Variants in JADE3 observed in about 807,000 individuals in gnomAD.
The protein encoded by JADE3 is protein Jade-3.
In JADE3, 2 loss-of-function variants were observed where a neutral mutation model predicts 50.1. The ratio of observed to expected loss-of-function variants is 0.04; its 90% confidence interval spans 0.02 to 0.13. The LOEUF (loss-of-function observed/expected upper bound fraction) is 0.13. Ranked by LOEUF, JADE3 falls within the 10% of genes least tolerant of loss-of-function variation. JADE3 has a pLI of 1.00. For synonymous variants in JADE3, 218 were observed against 232.9 expected (o/e 0.94, Z 0.58); for missense variants, 475 against 634.4 (o/e 0.75, Z 2.70).
chrX:46,938,845 T>C (rs1242422634), intron 1 of JADE3, among the ~76,000 whole-genome samples: 1 of 112,337 alleles, frequency 8.9e-6, no homozygotes, highest in Non-Finnish European at 1.9e-5. Context: ...GTTTCTTTTT[T>C]GAGACGGAGT....
At chrX:46,944,787 TTAGG>T (rs1363227371) in intron 1 of JADE3, among the ~76,000 whole-genome samples, 2 of 111,411 alleles carry the variant, frequency 1.8e-5, no homozygotes, top group Non-Finnish European at 3.8e-5. Context: ...AACTTATCTT[TTAGG>T]TGACAGAAAA....
intron 1 of JADE3, among the ~76,000 whole-genome samples, chrX:46,922,010 G>A (rs973597476): frequency 2.8e-5 from 3 of 106,735 alleles, no homozygotes; most frequent in Admixed American, 2.0e-4. Flanking sequence ...ATGGTGGCCC[G>A]CTGCACCCAT....
At chrX:47,011,077 T>G (rs924104832) in intron 4 of JADE3, among the ~76,000 whole-genome samples, 9 of 111,552 alleles carry the variant, frequency 8.1e-5, no homozygotes, top group Admixed American at 9.6e-5. Context: ...CTCATAACCT[T>G]TATTACCTAC....
chrX:47,038,414 C>G (rs1569538388), intron 7 of JADE3, among the ~76,000 whole-genome samples: 1 of 111,198 alleles, frequency 9.0e-6, no homozygotes, highest in Non-Finnish European at 1.9e-5. Context: ...ACATTCCCAC[C>G]AACAGTGTAT....
intron 4 of JADE3, among the ~76,000 whole-genome samples, chrX:47,000,379 T>A (rs1445766037): frequency 9.0e-6 from 1 of 110,922 alleles, no homozygotes; most frequent in Non-Finnish European, 1.9e-5. Context: ...GCATCTTGAC[T>A]TTAGTCTCGT....
intron 1 of JADE3, among the ~76,000 whole-genome samples, chrX:46,953,937 C>T (rs1927061947): frequency 1.8e-5 from 2 of 111,232 alleles, no homozygotes; most frequent in South Asian, 7.6e-4. Context: ...TCCTGTTTGT[C>T]TCTGGCTTTC....
At chrX:46,948,434 C>T (rs1343094297) in intron 1 of JADE3, among the ~76,000 whole-genome samples, 1 of 112,084 alleles carries the variant, frequency 8.9e-6, no homozygotes, top group Non-Finnish European at 1.9e-5. Context: ...TAAAGGATGC[C>T]TGTATTCTCC....
chrX:46,960,774 G>A (rs1556347489), intron 1 of JADE3, among the ~76,000 whole-genome samples: 1 of 111,449 alleles, frequency 9.0e-6, no homozygotes, highest in Non-Finnish European at 1.9e-5. Context: ...GGTGATCTTG[G>A]GAACCCCTTA....
chrX:46,998,257 C>T lies in JADE3; in HGVS notation c.264C>T (p.Thr88=), dbSNP rs1176672205. 8.3e-6 allele frequency: 10 copies of T among 1,204,825 alleles called. No homozygotes were observed. The highest frequency in any genetic ancestry group is 1.8e-5 in the African/African-American group (1 of 56,575). Residue 88 remains threonine (T), a synonymous_variant, in exon 4 of 11, where the codon ACC becomes ACT. Transcript: ENST00000614628. ...TCCAGGTACCAGCCAGTCCAGACAC[C>T]GTTCCACAGCCTTCTCTCAGGTATT... is the stretch of plus-strand genomic sequence containing the variant. ...KGVQVPASPD[T]VPQPSLRIIA... is the part of the protein sequence containing the mutation.
At chrX:47,024,955 G>T (rs1040925480) in intron 5 of JADE3, 41 bp downstream of exon 5, 10 of 715,246 alleles carry the variant, frequency 1.4e-5, no homozygotes, top group East Asian at 7.9e-5. Flanking sequence ...CTTAATTCAT[G>T]TTTTTTTTTT....
At position 46,917,799 on chromosome X, in the gene JADE3, G is replaced by GTCTC. The variant is rs57067547; in HGVS notation, c.-12+5099_-12+5102dup. ...TCTCTCTCTCTCTAATGGGAGGTCT[G>GTCTC]TCTCTCTCTCTCTCTCTCTCTCACT... On this transcript the variant is annotated intron_variant, in intron 1 of 10. Coordinates refer to ENST00000614628, the MANE Select transcript of JADE3 (RefSeq NM_014735.5). 8.1e-3 allele frequency among the ~76,000 whole-genome samples: 503 copies of GTCTC among 62,439 alleles called. 18 individuals are homozygous for GTCTC. The highest frequency in any genetic ancestry group is 0.018 in the African/African-American group (259 of 14,553). The allele number at this position is 62,439 out of a possible 115,157, so 54.2% of individuals were successfully genotyped here. A position where few individuals can be genotyped will look rare whatever the true frequency, so the allele number is the denominator to read the frequency against.
intron 4 of JADE3, among the ~76,000 whole-genome samples, chrX:47,018,190 C>T (rs1556363359): frequency 9.0e-6 from 1 of 111,154 alleles, no homozygotes. Context: ...CCCCTCCCAT[C>T]TCCCCTTACT....
intron 6 of JADE3, among the ~76,000 whole-genome samples, chrX:47,032,249 T>A (rs1223346949): frequency 8.9e-6 from 1 of 111,769 alleles, no homozygotes; most frequent in Non-Finnish European, 1.9e-5. Flanking sequence ...CGGCAAACTT[T>A]TTCTTTAAGG....
At chrX:46,947,907 A>G (rs1926919001) in intron 1 of JADE3, among the ~76,000 whole-genome samples, 1 of 110,589 alleles carries the variant, frequency 9.0e-6, no homozygotes, top group African/African-American at 3.3e-5. Flanking sequence ...CTGTTATACA[A>G]CCTGTTACTC....
intron 7 of JADE3, among the ~76,000 whole-genome samples, chrX:47,035,131 C>A (rs782430928): frequency 9.1e-6 from 1 of 110,240 alleles, no homozygotes; most frequent in South Asian, 3.9e-4. Flanking sequence ...TGTGGATATC[C>A]CACTCATGCC....
chrX:46,965,420 T>G (rs1556348868), intron 1 of JADE3, among the ~76,000 whole-genome samples: 1 of 111,563 alleles, frequency 9.0e-6, no homozygotes, highest in Non-Finnish European at 1.9e-5. Context: ...TTACAAAATT[T>G]TTAAAGTCCA....
chrX:47,010,149 C>G (rs1423255249), intron 4 of JADE3, among the ~76,000 whole-genome samples: 4 of 111,254 alleles, frequency 3.6e-5, no homozygotes, highest in Admixed American at 2.9e-4. Context: ...GTCACATGAC[C>G]TCTGTGGTTT....
At chrX:46,997,481 G>A (rs1556357702) in intron 3 of JADE3, among the ~76,000 whole-genome samples, 1 of 111,986 alleles carries the variant, frequency 8.9e-6, no homozygotes, top group African/African-American at 3.2e-5. Context: ...TCACGCTATC[G>A]CACTCCAGCC....
chrX:47,027,678 C>T (rs1195577262), intron 5 of JADE3, among the ~76,000 whole-genome samples: 1 of 112,082 alleles, frequency 8.9e-6, no homozygotes, highest in Non-Finnish European at 1.9e-5. Flanking sequence ...GTGAAATATA[C>T]ATCTCCTTTC....
Sources: gnomAD v4.1 joint callset for allele counts (sites outside exome capture counted in the v4.1 genomes callset) on GRCh38, gnomAD v4.1.1 for gene constraint, MANE v1.5 for transcripts, NCBI Gene and HGNC (gene_info 2026-07-23, HGNC 2026-07-21) for gene names.